LRP12: variants seen among roughly 807,000 people sequenced by gnomAD.
The protein encoded by LRP12 is LDL receptor related protein 12, also known as low-density lipoprotein receptor-related protein 12.
Under a neutral mutation model 66.0 loss-of-function variants are expected in LRP12, and 14 were observed. That is an observed-to-expected ratio of 0.21 (90% confidence interval 0.14 to 0.33). The LOEUF is 0.33. Ranked by LOEUF, LRP12 falls within the 10% of genes least tolerant of loss-of-function variation. The pLI is 1.00. For synonymous variants in LRP12, 357 were observed against 359.1 expected, an observed-to-expected ratio of 0.99 and a Z score of 0.07; for missense variants, 889 against 1,053.4, an observed-to-expected ratio of 0.84 and a Z score of 2.16.
intron 3 of LRP12, chr8:104,506,770 G>A (rs914778081): frequency 6.6e-6 from 1 of 151,936 alleles, no homozygotes; most frequent in African/African-American, 2.4e-5. Context: ...GATTATAGTG[G>A]GTTCCAAGGG....
At chr8:104,546,474 C>T (rs1248734880) in intron 1 of LRP12, among the ~76,000 whole-genome samples, 6 of 152,056 alleles carry the variant, frequency 3.9e-5, no homozygotes, top group South Asian at 4.1e-4. Flanking sequence ...ACACATTGTA[C>T]GAATTCATGA....
chr8:104,522,803 G>A (rs991759209), intron 2 of LRP12, among the ~76,000 whole-genome samples: 5 of 151,862 alleles, frequency 3.3e-5, no homozygotes, highest in South Asian at 2.1e-4. Flanking sequence ...TATTCTTTGC[G>A]ATGTTACAAC....
intron 3 of LRP12, among the ~76,000 whole-genome samples, chr8:104,503,753 C>T (rs1360034642): frequency 6.6e-6 from 1 of 152,140 alleles, no homozygotes; most frequent in East Asian, 1.9e-4. Context: ...TTGCTTTAGA[C>T]TGCTTAAAAC....
At chr8:104,569,798 T>C (rs1419214774) in intron 1 of LRP12, among the ~76,000 whole-genome samples, 1 of 152,054 alleles carries the variant, frequency 6.6e-6, no homozygotes, top group African/African-American at 2.4e-5. Context: ...CTAAAAGTCT[T>C]AGCCAATGCA....
chr8:104,577,810 C>CAAAAAAAA (rs34298645), intron 1 of LRP12, among the ~76,000 whole-genome samples: 1 of 111,110 alleles, frequency 9.0e-6, no homozygotes. Context: ...GACTCCATCT[C>CAAAAAAAA]AAAAAAAAAA....
intron 1 of LRP12, among the ~76,000 whole-genome samples, chr8:104,580,368 A>T (rs1025185063): frequency 2.2e-4 from 33 of 151,414 alleles, no homozygotes; most frequent in South Asian, 1.0e-3. Context: ...TAAAAAAAAA[A>T]AAAAAAAAAA....
intron 1 of LRP12, among the ~76,000 whole-genome samples, chr8:104,544,931 G>A (rs1317340169): frequency 6.6e-6 from 1 of 152,154 alleles, no homozygotes; most frequent in Non-Finnish European, 1.5e-5. Context: ...GGCTATGGCT[G>A]CCACAGCGAG....
intron 1 of LRP12, among the ~76,000 whole-genome samples, chr8:104,564,158 T>C: frequency 6.6e-6 from 1 of 152,194 alleles, no homozygotes; most frequent in African/African-American, 2.4e-5. Context: ...CTGTAGATGA[T>C]ACTCCAGATA....
intron 1 of LRP12, among the ~76,000 whole-genome samples, chr8:104,583,124 T>C (rs1812281390): frequency 6.6e-6 from 1 of 152,098 alleles, no homozygotes; most frequent in South Asian, 2.1e-4. Context: ...TAACTGATCA[T>C]CCCATCTCTA....
At chr8:104,541,984 C>T (rs1811483926) in intron 1 of LRP12, among the ~76,000 whole-genome samples, 1 of 152,084 alleles carries the variant, frequency 6.6e-6, no homozygotes, top group African/African-American at 2.4e-5. Context: ...TTTATATAGA[C>T]ATATGTTTTC....
Position 104,588,831 on chromosome 8 carries a change from C to A in LRP12, c.67G>T (p.Ala23Ser), listed in dbSNP as rs1406147537. 1 of 1,612,418 alleles carries A rather than the reference C, an allele frequency of 6.2e-7. No homozygotes were observed. Among genetic ancestry groups the A allele is most frequent in the Non-Finnish European group, 8.5e-7 (1 of 1,179,282 alleles). The change falls in exon 1 of 7, where the codon GCT becomes TCT. Residue 23 changes from alanine (A) to serine (S), a missense_variant. Ala to Ser is a moderately conservative substitution (Grantham distance 99, BLOSUM62 1). Around this residue, in one of 3 missense-constraint regions of LRP12, gnomAD observed 88 missense variants for 72.5 expected, o/e 1.21. Coordinates refer to ENST00000276654, the MANE Select transcript of LRP12 (RefSeq NM_013437.5). Reference protein sequence around the residue: ...WRSALLLLFLAGVYGNGALAE... With the variant: ...WRSALLLLFLSGVYGNGALAE... ...CGCGGACACTTACCGTACACCCCAG[C>A]GAGGAAAAGCAAGAGCAACGCAGAC... is the stretch of plus-strand genomic sequence containing the variant.
At chr8:104,570,044 T>C (rs1812055535) in intron 1 of LRP12, among the ~76,000 whole-genome samples, 1 of 152,142 alleles carries the variant, frequency 6.6e-6, no homozygotes, top group Non-Finnish European at 1.5e-5. Context: ...TTATTTCCTA[T>C]AACTCCCCCC....
chr8:104,588,987 GCCGCCGCCGCCGAGCCA>G lies in LRP12; in HGVS notation c.-107_-91del. 1.0e-5 allele frequency: 9 copies of G among 859,708 alleles called. No individual in the cohort carries two copies. Among genetic ancestry groups the G allele is most frequent in the Non-Finnish European group, 1.4e-5 (8 of 573,728 alleles). The allele number at this position is 859,708 out of a possible 1,614,324, so 53.3% of individuals were successfully genotyped here. On this transcript the variant is annotated 5_prime_UTR_variant, in exon 1 of 7. Transcript: ENST00000276654. Reference sequence around the variant, plus strand: ...CGACGCCGACGCCGCCGCCGCCGCCGCCGCCGCCGCCGAGCCACCGGCTGCTCCCTGCGCTCTCCGCG... The same window carrying G: ...CGACGCCGACGCCGCCGCCGCCGCCGCCGGCTGCTCCCTGCGCTCTCCGCG...
chr8:104,556,118 G>GTGA (rs1811803124), intron 1 of LRP12, among the ~76,000 whole-genome samples: 1 of 152,008 alleles, frequency 6.6e-6, no homozygotes, highest in African/African-American at 2.4e-5. Context: ...TGGCACAATA[G>GTGA]TGACACAACC....
intron 1 of LRP12, among the ~76,000 whole-genome samples, chr8:104,546,499 T>C (rs1222827819): frequency 6.6e-6 from 1 of 152,310 alleles, no homozygotes; most frequent in East Asian, 1.9e-4. Context: ...TTATTAAATC[T>C]ACCTTCTAAA....
chr8:104,524,162 A>T (rs1811192862), intron 2 of LRP12, among the ~76,000 whole-genome samples: 1 of 147,732 alleles, frequency 6.8e-6, no homozygotes, highest in African/African-American at 2.5e-5. Context: ...GCATGGCTTG[A>T]GCCCAGGAGG....
intron 1 of LRP12, among the ~76,000 whole-genome samples, chr8:104,582,616 T>C (rs1427050917): frequency 6.6e-6 from 1 of 152,200 alleles, no homozygotes; most frequent in Non-Finnish European, 1.5e-5. Context: ...TCTATACTTA[T>C]TTCATTGACA....
chr8:104,531,118 G>A (rs558706382), intron 2 of LRP12, among the ~76,000 whole-genome samples: 1 of 151,936 alleles, frequency 6.6e-6, no homozygotes, highest in Non-Finnish European at 1.5e-5. Context: ...ATTACAAGAT[G>A]ACACAAAGAA....
At chr8:104,507,121 A>T (rs763742081) in intron 3 of LRP12, 48 of 152,278 alleles carry the variant, frequency 3.2e-4, no homozygotes, top group Non-Finnish European at 5.4e-4. Flanking sequence ...TATGCATATG[A>T]TTCTTTTGAA....
Sources: gnomAD v4.1 joint callset for allele counts (sites outside exome capture counted in the v4.1 genomes callset) on GRCh38, gnomAD v4.1.1 for gene constraint, gnomAD v4.1.1 regional missense constraint, MANE v1.5 for transcripts, NCBI Gene and HGNC (gene_info 2026-07-23, HGNC 2026-07-21) for gene names.